The following NIT2 variants were observed in gnomAD, a reference collection of about 807,000 sequenced individuals.
NIT2 encodes the protein nitrilase family member 2, also known as omega-amidase NIT2.
In NIT2, 46 loss-of-function variants were observed where a neutral mutation model predicts 42.7. That is an observed-to-expected ratio of 1.08 (90% confidence interval 0.85 to 1.38). NIT2 has a LOEUF of 1.38. Ranked by LOEUF, NIT2 falls within the 40% of genes most tolerant of loss-of-function variation. The pLI is 0.00. For missense variants in NIT2, 309 were observed against 342.5 expected, an observed-to-expected ratio of 0.90 and a Z score of 0.77; for synonymous variants, 123 against 121.9, an observed-to-expected ratio of 1.01 and a Z score of -0.06.
At chr3:100,342,627 C>T (rs1027378352) in intron 4 of NIT2, among the ~76,000 whole-genome samples, 4 of 151,472 alleles carry the variant, frequency 2.6e-5, no homozygotes, top group Non-Finnish European at 5.9e-5. Flanking sequence ...AATTTAAGAA[C>T]CTTATAATGA....
intron 1 of NIT2, among the ~76,000 whole-genome samples, chr3:100,338,443 A>C (rs1456403599): frequency 6.6e-6 from 1 of 152,216 alleles, no homozygotes; most frequent in East Asian, 1.9e-4. Context: ...GTGAATAGGC[A>C]TGTGTGCAGC....
intron 6 of NIT2, among the ~76,000 whole-genome samples, chr3:100,347,359 G>T (rs1355077277): frequency 6.6e-6 from 1 of 152,182 alleles, no homozygotes; most frequent in Non-Finnish European, 1.5e-5. Context: ...GCCTCCCAAA[G>T]TGCTGGGATT....
At chr3:100,345,507 G>A in intron 4 of NIT2, 78 bp from the exon 5 acceptor site, 1 of 970,100 alleles carries the variant, frequency 1.0e-6, no homozygotes. Context: ...TTCCGTATCT[G>A]CCCGGGGAAA....
Position 100,355,162 on chromosome 3 carries a change from T to C in NIT2, c.740-15T>C, listed in dbSNP as rs367716576. 1.9e-6 allele frequency: 3 copies of C among 1,607,062 alleles called. No homozygotes were observed. The highest frequency in any genetic ancestry group is 2.6e-6 in the Non-Finnish European group (3 of 1,174,006). On this transcript the variant is annotated splice_polypyrimidine_tract_variant and intron_variant, in intron 9 of 9. Transcript: ENST00000394140. Reference sequence around the variant, plus strand: ...GTTGCAAATTATTAATAGTGCACTTTCCTGTTTTTTGCAGACCTGAAGAAG... The same window carrying C: ...GTTGCAAATTATTAATAGTGCACTTCCCTGTTTTTTGCAGACCTGAAGAAG...
Position 100,356,588 on chromosome 3 carries a change from CTG to C in NIT2, c.*1324_*1325del, listed in dbSNP as rs1400322696. ...GTCATTTAACTTCTGGAAAACAACA[CTG>C]TGTACTGAGAACAAGAGAAAGACAA... On this transcript the variant is annotated 3_prime_UTR_variant, in exon 10 of 10. Transcript: ENST00000394140. 1.3e-5 allele frequency: 2 copies of C among 152,156 alleles called. No individual in the cohort carries two copies. The highest frequency in any genetic ancestry group is 2.9e-5 in the Non-Finnish European group (2 of 68,022). 9.4% of individuals were successfully genotyped at this position (152,156 alleles called of 1,614,324 possible). A position where few individuals can be genotyped will look rare whatever the true frequency, so the allele number is the denominator to read the frequency against.
At chr3:100,338,550 A>T (rs767947308) in intron 1 of NIT2, among the ~76,000 whole-genome samples, 4 of 152,124 alleles carry the variant, frequency 2.6e-5, no homozygotes, top group Admixed American at 6.5e-5. Context: ...TTCCCTTCCC[A>T]TGAGCTGGGC....
intron 8 of NIT2, among the ~76,000 whole-genome samples, chr3:100,353,996 G>C (rs556773600): frequency 6.6e-6 from 1 of 152,100 alleles, no homozygotes. Context: ...GGCTGGTCTC[G>C]ATCTCCTGAC....
chr3:100,343,607 A>G (rs1706178844), intron 4 of NIT2, among the ~76,000 whole-genome samples: 1 of 152,192 alleles, frequency 6.6e-6, no homozygotes, highest in South Asian at 2.1e-4. Context: ...CATTAAAAGC[A>G]TATTTTTCTT....
At chr3:100,344,857 GC>G (rs1281857992) in intron 4 of NIT2, among the ~76,000 whole-genome samples, 6 of 152,010 alleles carry the variant, frequency 3.9e-5, no homozygotes, top group African/African-American at 1.5e-4. Context: ...TGTTGGCCAG[GC>G]TGGTCTTGAA....
rs1466655359 is a variant in NIT2 at position 100,360,824 on chromosome 3, A to C, written c.*5556A>C. On this transcript the variant is annotated 3_prime_UTR_variant, in exon 10 of 10. Transcript: ENST00000394140. ...AATGTTCATATAATGACAGCTTTGGAAGGTAGAGACTATCTTCCTCTGGAT... is the reference window on the plus strand; with the variant it reads ...AATGTTCATATAATGACAGCTTTGGCAGGTAGAGACTATCTTCCTCTGGAT... The C allele has an allele frequency of 1.3e-5, 2 of 152,186 alleles. No individual in the cohort carries two copies. Among genetic ancestry groups the C allele is most frequent in the African/African-American group, 2.4e-5 (1 of 41,438 alleles). 9.4% of individuals were successfully genotyped at this position (152,186 alleles called of 1,614,324 possible).
chr3:100,351,359 C>T (rs1230487450), intron 7 of NIT2, among the ~76,000 whole-genome samples: 2 of 152,174 alleles, frequency 1.3e-5, no homozygotes, highest in African/African-American at 4.8e-5. Context: ...TCAAACTATA[C>T]TACAAGGCTA....
rs147176987 is a variant in NIT2 at position 100,351,200 on chromosome 3, A to G, written c.585-1204A>G. 2.5e-4 allele frequency among the ~76,000 whole-genome samples: 38 copies of G among 152,374 alleles called. 1 individual carries two copies. In the East Asian group the frequency reaches 7.3e-3, roughly 29 times the overall value. On this transcript the variant is annotated intron_variant, in intron 7 of 9. Transcript: ENST00000394140. ...ATGTGTCTTTATAGCAGCATGATTTATAGTCCTTTGGGTATATACCCAGCT... is the reference window on the plus strand; with the variant it reads ...ATGTGTCTTTATAGCAGCATGATTTGTAGTCCTTTGGGTATATACCCAGCT...
chr3:100,343,749 A>T (rs1011120780), intron 4 of NIT2, among the ~76,000 whole-genome samples: 9 of 152,248 alleles, frequency 5.9e-5, no homozygotes, highest in African/African-American at 2.2e-4. Flanking sequence ...CCAAGCAAAC[A>T]ACAAGAAAAA....
chr3:100,340,884 C>A (rs762122500), intron 3 of NIT2, among the ~76,000 whole-genome samples, 189 bp from the exon 4 acceptor site: 5 of 151,806 alleles, frequency 3.3e-5, no homozygotes, highest in Non-Finnish European at 7.4e-5. Flanking sequence ...ATTAAGTAAC[C>A]CATAGAAGGG....
At chr3:100,349,091 G>T in intron 7 of NIT2, 3 of 414,406 alleles carry the variant, frequency 7.2e-6, no homozygotes, top group African/African-American at 2.1e-5. Context: ...CCAACCTCAT[G>T]GATTTTGGAA....
At chr3:100,348,319 G>A (rs890391639) in intron 6 of NIT2, among the ~76,000 whole-genome samples, 3 of 152,212 alleles carry the variant, frequency 2.0e-5, no homozygotes, top group African/African-American at 7.2e-5. Context: ...ATCATGGCAC[G>A]GGTGGGTGTG....
rs371648500 is a variant in NIT2, at chr3:100,355,292, A to C, written c.*24A>C. ...AAAGTTTATGTTTCTAATGTGTCAC[A>C]GAATAGGACGATATGATTCTACAAC... On this transcript the variant is annotated 3_prime_UTR_variant, in exon 10 of 10. Coordinates refer to ENST00000394140, the MANE Select transcript of NIT2 (RefSeq NM_020202.5). The C allele has an allele frequency of 2.2e-5, 33 of 1,514,678 alleles. No individual in the cohort carries two copies. The highest frequency in any genetic ancestry group is 2.9e-5 in the Non-Finnish European group (32 of 1,094,578). The allele number at this position is 1,514,678 out of a possible 1,614,324, so 93.8% of individuals were successfully genotyped here.
Position 100,334,779 on chromosome 3 carries a change from T to C in NIT2, c.-13T>C. 2 of 1,301,186 alleles carry C rather than the reference T, an allele frequency of 1.5e-6. No individual in the cohort carries two copies. The highest frequency in any genetic ancestry group is 2.0e-6 in the Non-Finnish European group (2 of 1,018,824). The allele number at this position is 1,301,186 out of a possible 1,614,324, so 80.6% of individuals were successfully genotyped here. On this transcript the variant is annotated 5_prime_UTR_variant, in exon 1 of 10. Transcript: ENST00000394140. ...CTCAGTCCGCGCCGCAGGTGGTGCT[T>C]GTCTGCAGAGTCATGACCTGTAAGT...
At chr3:100,336,712 G>A (rs1227571784) in intron 1 of NIT2, among the ~76,000 whole-genome samples, 1 of 152,206 alleles carries the variant, frequency 6.6e-6, no homozygotes, top group African/African-American at 2.4e-5. Flanking sequence ...CAGCCCTAAG[G>A]CGGTTTTCCC....
Sources: gnomAD v4.1 joint callset for allele counts (sites outside exome capture counted in the v4.1 genomes callset) on GRCh38, gnomAD v4.1.1 for gene constraint, MANE v1.5 for transcripts, NCBI Gene and HGNC (gene_info 2026-07-23, HGNC 2026-07-21) for gene names.